Variants in CA10 observed in about 807,000 individuals in gnomAD.
CA10 encodes the protein carbonic anhydrase-related protein 10.
A neutral mutation model predicts 44.2 loss-of-function variants in CA10; 14 were observed. The observed-to-expected ratio is 0.32, with a 90% CI of 0.21 to 0.50. CA10 has a LOEUF of 0.50. Ranked by LOEUF, CA10 falls within the 20% of genes least tolerant of loss-of-function variation. CA10 has a pLI of 0.99. For synonymous variants in CA10, 159 were observed against 141.6 expected, an observed-to-expected ratio of 1.12 and a Z score of -0.87; for missense variants, 350 against 409.7, an observed-to-expected ratio of 0.85 and a Z score of 1.26.
chr17:52,046,007 A>C (rs1469597497), intron 2 of CA10, among the ~76,000 whole-genome samples: 3 of 151,978 alleles, frequency 2.0e-5, no homozygotes, highest in Non-Finnish European at 2.9e-5. Context: ...TTACAGAGAA[A>C]TAAGAAAATA....
At chr17:51,929,563 C>T (rs1055478857) in intron 3 of CA10, among the ~76,000 whole-genome samples, 1 of 152,108 alleles carries the variant, frequency 6.6e-6, no homozygotes, top group African/African-American at 2.4e-5. Context: ...CCCTGCTTTT[C>T]CTTTTGCCTA....
At chr17:51,760,721 A>G (rs902462098) in intron 3 of CA10, among the ~76,000 whole-genome samples, 6 of 152,222 alleles carry the variant, frequency 3.9e-5, no homozygotes, top group African/African-American at 1.4e-4. Flanking sequence ...GATGTGTGCT[A>G]CAAGAGTCCT....
intron 2 of CA10, among the ~76,000 whole-genome samples, chr17:52,022,797 A>G (rs996118459): frequency 6.6e-6 from 1 of 152,110 alleles, no homozygotes; most frequent in Admixed American, 6.6e-5. Flanking sequence ...AATCAGTACT[A>G]TTTCTATACA....
chr17:51,892,386 A>C (rs888269140), intron 3 of CA10, among the ~76,000 whole-genome samples: 1 of 152,190 alleles, frequency 6.6e-6, no homozygotes, highest in Non-Finnish European at 1.5e-5. Context: ...AATTATGTAT[A>C]CTGTTGTTTT....
chr17:51,724,287 A>C (rs1018204903), intron 4 of CA10, among the ~76,000 whole-genome samples: 4 of 152,224 alleles, frequency 2.6e-5, no homozygotes, highest in Admixed American at 2.0e-4. Context: ...AGATGTATTG[A>C]GGCTATTTGG....
chr17:51,862,824 C>T (rs1050625441), intron 3 of CA10, among the ~76,000 whole-genome samples: 1 of 151,664 alleles, frequency 6.6e-6, no homozygotes, highest in Non-Finnish European at 1.5e-5. Context: ...GAGAAGAGAA[C>T]AAACTATCTG....
chr17:51,778,422 C>T (rs1252742577), intron 3 of CA10, among the ~76,000 whole-genome samples: 2 of 152,208 alleles, frequency 1.3e-5, no homozygotes, highest in East Asian at 3.9e-4. Flanking sequence ...TGCTCAGGGG[C>T]ATAGATCGCT....
chr17:51,906,914 T>C (rs750793072), intron 3 of CA10, among the ~76,000 whole-genome samples: 4 of 152,198 alleles, frequency 2.6e-5, no homozygotes, highest in Non-Finnish European at 5.9e-5. Flanking sequence ...CCATGTCTTA[T>C]GTCTCTTCCA....
chr17:51,927,824 C>G (rs1982492952), intron 3 of CA10, among the ~76,000 whole-genome samples: 1 of 152,198 alleles, frequency 6.6e-6, no homozygotes, highest in Admixed American at 6.5e-5. Flanking sequence ...CTTTAAGCAA[C>G]CTGAAACCAC....
chr17:51,785,385 A>T (rs1906228721), intron 3 of CA10, among the ~76,000 whole-genome samples: 1 of 152,266 alleles, frequency 6.6e-6, no homozygotes, highest in Admixed American at 6.5e-5. Context: ...TCAAAAGAAG[A>T]CATACAAATA....
At chr17:51,690,322 A>G (rs561456113) in intron 4 of CA10, among the ~76,000 whole-genome samples, 111 of 152,286 alleles carry the variant, frequency 7.3e-4, no homozygotes, top group African/African-American at 2.6e-3. Context: ...GGGCTATTGA[A>G]ATTATTCTAA....
At chr17:51,631,848 A>AAAAT (rs1230966074) in intron 8 of CA10, among the ~76,000 whole-genome samples, 1 of 152,226 alleles carries the variant, frequency 6.6e-6, no homozygotes, top group Non-Finnish European at 1.5e-5. Flanking sequence ...TAAATTAATT[A>AAAAT]AAATAAAAAA....
At chr17:51,675,337 A>G (rs1332495633) in intron 4 of CA10, among the ~76,000 whole-genome samples, 1 of 152,142 alleles carries the variant, frequency 6.6e-6, no homozygotes, top group East Asian at 1.9e-4. Context: ...AGGCGGGTGG[A>G]TCACCTGAGG....
intron 1 of CA10, among the ~76,000 whole-genome samples, chr17:52,079,508 G>A (rs1987909415): frequency 6.6e-6 from 1 of 151,916 alleles, no homozygotes; most frequent in Non-Finnish European, 1.5e-5. Context: ...TACATAATAA[G>A]TGCCAGAAAA....
At chr17:51,789,413 G>C (rs570384959) in intron 3 of CA10, among the ~76,000 whole-genome samples, 1 of 152,328 alleles carries the variant, frequency 6.6e-6, no homozygotes, top group Admixed American at 6.5e-5. Flanking sequence ...TATAGCTGCA[G>C]CTTATAGATG....
chr17:51,819,450 A>G (rs950401213), intron 3 of CA10, among the ~76,000 whole-genome samples: 3 of 152,210 alleles, frequency 2.0e-5, no homozygotes, highest in African/African-American at 4.8e-5. Flanking sequence ...AATTATGCCC[A>G]GGAAACAGGC....
At chr17:52,138,670 G>A (rs959275232) in intron 1 of CA10, among the ~76,000 whole-genome samples, 7 of 152,216 alleles carry the variant, frequency 4.6e-5, no homozygotes, top group Admixed American at 3.9e-4. Context: ...TACCAATGGT[G>A]TATAGAGCTC....
rs145633865 is a variant in CA10, at chr17:52,044,541, C to A, written c.136+27778G>T. On this transcript the variant is annotated intron_variant, in intron 2 of 8. Transcript: ENST00000451037. ...CTGGTCTCGGACTCCTGAGCTCAAG[C>A]CCTCCACCCACCTCGGCCTCCCAAA... Among the ~76,000 whole-genome samples, 735 of 152,010 alleles carry A rather than the reference C, an allele frequency of 4.8e-3. 3 individuals carry two copies. Among genetic ancestry groups the A allele is most frequent in the African/African-American group, 0.017 (689 of 41,478 alleles).
chr17:51,720,650 A>C (rs1445175419), intron 4 of CA10, among the ~76,000 whole-genome samples: 1 of 152,220 alleles, frequency 6.6e-6, no homozygotes, highest in African/African-American at 2.4e-5. Flanking sequence ...ATGCTAACTG[A>C]AATAAGCCAG....
Sources: gnomAD v4.1 joint callset for allele counts (sites outside exome capture counted in the v4.1 genomes callset) on GRCh38, gnomAD v4.1.1 for gene constraint, MANE v1.5 for transcripts, NCBI Gene and HGNC (gene_info 2026-07-23, HGNC 2026-07-21) for gene names.